Variants in BCHE observed in about 807,000 individuals in gnomAD.
BCHE encodes cholinesterase.
In BCHE, 48 loss-of-function variants were observed where a neutral mutation model predicts 51.3. The ratio of observed to expected loss-of-function variants is 0.94; its 90% CI spans 0.74 to 1.19. BCHE has a LOEUF of 1.19. BCHE is among the 50% of genes most tolerant of loss of function. The pLI is 0.00. For missense variants in BCHE, 847 were observed against 708.2 expected (o/e 1.20, Z -2.23); for synonymous variants, 251 against 238.0 (o/e 1.05, Z -0.50).
chr3:165,834,437 T>A (rs931271352), intron 1 of BCHE, among the ~76,000 whole-genome samples: 1 of 152,002 alleles, frequency 6.6e-6, no homozygotes, highest in African/African-American at 2.4e-5. Context: ...TCATATGTAT[T>A]GTTGCAGAGT....
At chr3:165,832,737 C>G (rs1220934239) in intron 1 of BCHE, among the ~76,000 whole-genome samples, 1 of 152,090 alleles carries the variant, frequency 6.6e-6, no homozygotes, top group South Asian at 2.1e-4. Context: ...GAAATCCAAC[C>G]TACACAACCA....
chr3:165,775,169 G>T (rs569743328), intron 3 of BCHE, among the ~76,000 whole-genome samples: 1 of 151,930 alleles, frequency 6.6e-6, no homozygotes, highest in Non-Finnish European at 1.5e-5. Flanking sequence ...AAAATTTAGT[G>T]ACTAATTTTA....
At chr3:165,808,349 T>C (rs1002754468) in intron 2 of BCHE, among the ~76,000 whole-genome samples, 5 of 152,078 alleles carry the variant, frequency 3.3e-5, no homozygotes, top group Non-Finnish European at 5.9e-5. Context: ...TTAATTTATA[T>C]ATGCTGATGG....
At chr3:165,810,369 A>G (rs891536850) in intron 2 of BCHE, among the ~76,000 whole-genome samples, 1 of 152,148 alleles carries the variant, frequency 6.6e-6, no homozygotes, top group Non-Finnish European at 1.5e-5. Flanking sequence ...TAGACATTAC[A>G]TATGGTGTTC....
At chr3:165,819,707 A>G (rs1714442543) in intron 2 of BCHE, among the ~76,000 whole-genome samples, 1 of 148,212 alleles carries the variant, frequency 6.7e-6, no homozygotes, top group Admixed American at 6.9e-5. Context: ...AAAATATTTT[A>G]GGTGTGTTTC....
intron 1 of BCHE, among the ~76,000 whole-genome samples, chr3:165,835,787 A>C (rs1414094193): frequency 6.6e-6 from 1 of 151,944 alleles, no homozygotes; most frequent in Non-Finnish European, 1.5e-5. Flanking sequence ...GAACATTTGC[A>C]AACTTCATTG....
intron 2 of BCHE, among the ~76,000 whole-genome samples, chr3:165,798,318 G>A (rs902831469): frequency 1.3e-5 from 2 of 152,084 alleles, no homozygotes; most frequent in Non-Finnish European, 2.9e-5. Flanking sequence ...AACAACTGGT[G>A]TGGATGTTGG....
chr3:165,773,728 T>A (rs549682628), intron 3 of BCHE, among the ~76,000 whole-genome samples: 1 of 152,046 alleles, frequency 6.6e-6, no homozygotes, highest in East Asian at 1.9e-4. Context: ...ATATAATTTA[T>A]ATAACGTATA....
At chr3:165,834,828 T>A (rs1715133246) in intron 1 of BCHE, among the ~76,000 whole-genome samples, 1 of 151,868 alleles carries the variant, frequency 6.6e-6, no homozygotes, top group Non-Finnish European at 1.5e-5. Context: ...AGGGTACATG[T>A]GCACAACGTG....
rs115854446 is a variant in BCHE at position 165,795,141 on chromosome 3, T to C, written c.1518-8830A>G. 2.9e-3 allele frequency among the ~76,000 whole-genome samples: 438 copies of C among 152,322 alleles called. 4 individuals are homozygous for C. The highest frequency in any genetic ancestry group is 0.01 in the African/African-American group (418 of 41,566). On this transcript the variant is annotated intron_variant, in intron 2 of 3. Transcript: ENST00000264381. ...AAGAAACTCACATTTTCTCATGTGT[T>C]AAGTTAAAGAAAAATGTCTTGTAAA... is the stretch of plus-strand genomic sequence containing the variant.
chr3:165,774,209 T>G (rs1391474874), intron 3 of BCHE, among the ~76,000 whole-genome samples: 1 of 152,202 alleles, frequency 6.6e-6, no homozygotes, highest in African/African-American at 2.4e-5. Context: ...TCGTGGTTGG[T>G]TAAATCCATG....
chr3:165,835,741 G>T (rs1715166181), intron 1 of BCHE, among the ~76,000 whole-genome samples: 1 of 151,888 alleles, frequency 6.6e-6, no homozygotes, highest in Non-Finnish European at 1.5e-5. Flanking sequence ...TTAGATATAA[G>T]AAACTTAAGA....
rs1057516450 is a variant in BCHE, at chr3:165,829,960, T to TA, written c.1073dup (p.Leu358PhefsTer12). The TA allele has an allele frequency of 6.2e-7, 1 of 1,613,782 alleles. No homozygotes were observed. Among genetic ancestry groups the TA allele is most frequent in the Non-Finnish European group, 8.5e-7 (1 of 1,179,884 alleles). On this transcript the variant is annotated frameshift_variant, in exon 2 of 4. Coordinates refer to ENST00000264381, the MANE Select transcript of BCHE (RefSeq NM_000055.4). LOFTEE classifies it high-confidence loss of function. The stretch of plus-strand genomic sequence containing the variant: ...TGCTGAAGCCAGGAGCACCATAGAC[T>TA]AAAAAAGCTGTCCCTTCATCTTTAT...
At chr3:165,785,025 A>G (rs1712889814) in intron 3 of BCHE, among the ~76,000 whole-genome samples, 1 of 151,740 alleles carries the variant, frequency 6.6e-6, no homozygotes, top group Admixed American at 6.6e-5. Flanking sequence ...ATTTGGTAAT[A>G]CACAGAGCAC....
chr3:165,832,091 T>A (rs765619500), intron 1 of BCHE, among the ~76,000 whole-genome samples: 2 of 152,160 alleles, frequency 1.3e-5, no homozygotes, highest in African/African-American at 4.8e-5. Context: ...AAAATAATCT[T>A]TGTGACCTAC....
intron 2 of BCHE, among the ~76,000 whole-genome samples, chr3:165,810,517 T>C (rs1348140164): frequency 6.6e-6 from 1 of 152,180 alleles, no homozygotes; most frequent in Admixed American, 6.6e-5. Flanking sequence ...TGTGTTATTT[T>C]ATTGCCAGAT....
At chr3:165,820,812 A>C (rs2108228367) in intron 2 of BCHE, among the ~76,000 whole-genome samples, 1 of 152,092 alleles carries the variant, frequency 6.6e-6, no homozygotes, top group Non-Finnish European at 1.5e-5. Context: ...TATAACATTA[A>C]CCAAGCAGGT....
intron 2 of BCHE, among the ~76,000 whole-genome samples, chr3:165,819,267 T>G (rs1199796621): frequency 1.6e-4 from 1 of 6,130 alleles, no homozygotes; most frequent in Non-Finnish European, 2.3e-4. Flanking sequence ...TTAGTAGAGA[T>G]GGGGTTTACC....
intron 3 of BCHE, among the ~76,000 whole-genome samples, chr3:165,779,326 G>A (rs1208537455): frequency 6.6e-6 from 1 of 152,026 alleles, no homozygotes; most frequent in East Asian, 1.9e-4. Context: ...CATATTAAAT[G>A]GGCAAAAGCT....
Sources: allele counts gnomAD v4.1 joint callset (sites outside exome capture counted in the v4.1 genomes callset), GRCh38; gene constraint gnomAD v4.1.1; transcripts MANE v1.5; gene names NCBI Gene and HGNC (gene_info 2026-07-23, HGNC 2026-07-21).